The following RABGAP1L variants were observed in gnomAD, a reference collection of about 807,000 sequenced individuals.
The protein encoded by RABGAP1L is RAB GTPase activating protein 1 like.
In RABGAP1L, 63 loss-of-function variants were observed where a neutral mutation model predicts 137.7. That is an observed-to-expected ratio of 0.46 (90% CI 0.37 to 0.56). The LOEUF (loss-of-function observed/expected upper bound fraction) is 0.56, where lower values mean the gene tolerates loss of function less well. Among genes scored for constraint, RABGAP1L ranks in the 20% least tolerant of loss-of-function variants. RABGAP1L has a pLI of 0.00. For synonymous variants in RABGAP1L, 431 were observed against 433.7 expected, an observed-to-expected ratio of 0.99 and a Z score of 0.08; for missense variants, 1,095 against 1,244.0, an observed-to-expected ratio of 0.88 and a Z score of 1.80.
intron 13 of RABGAP1L, among the ~76,000 whole-genome samples, chr1:174,521,876 C>T (rs1432081804): frequency 2.0e-5 from 3 of 151,966 alleles, no homozygotes; most frequent in Admixed American, 6.6e-5. Context: ...GTCAGAAGTT[C>T]GAGACCAGCC....
At chr1:174,902,324 T>TC (rs1368147946) in intron 19 of RABGAP1L, among the ~76,000 whole-genome samples, 3 of 151,838 alleles carry the variant, frequency 2.0e-5, no homozygotes, top group African/African-American at 2.4e-5. Flanking sequence ...TGGCTGCCTC[T>TC]CCCCCCCAGG....
In RABGAP1L at chr1:174,993,093, T is replaced by C. The variant is rs1672163541; in HGVS notation, c.*3092T>C. 1 of 152,232 alleles carries C rather than the reference T, an allele frequency of 6.6e-6. No individual in the cohort carries two copies. Among genetic ancestry groups the C allele is most frequent in the South Asian group, 2.1e-4 (1 of 4,832 alleles). The allele number at this position is 152,232 out of a possible 1,614,324, so 9.4% of individuals were successfully genotyped here. ...GAGAATCTAAACACGTCTTTAAATC[T>C]GAAAGAAACCAAGCTGGATTTTGCA... On this transcript the variant is annotated 3_prime_UTR_variant, in exon 26 of 26. Transcript: ENST00000681986.
At chr1:174,509,475 A>AT (rs956257664) in intron 13 of RABGAP1L, among the ~76,000 whole-genome samples, 5 of 151,676 alleles carry the variant, frequency 3.3e-5, no homozygotes, top group African/African-American at 4.9e-5. Context: ...AGATTGCTGG[A>AT]TTTTTTTTAT....
At chr1:174,636,533 A>G (rs1572630476) in intron 13 of RABGAP1L, among the ~76,000 whole-genome samples, 1 of 152,086 alleles carries the variant, frequency 6.6e-6, no homozygotes, top group Non-Finnish European at 1.5e-5. Flanking sequence ...ACTTCAAAAA[A>G]AAAAAAAAAA....
chr1:174,616,401 G>C (rs953649344), intron 13 of RABGAP1L, among the ~76,000 whole-genome samples: 2 of 152,166 alleles, frequency 1.3e-5, no homozygotes, highest in African/African-American at 4.8e-5. Context: ...TCTCCATCTT[G>C]GGGAATAGAT....
At chr1:174,597,320 T>G (rs1670026256) in intron 13 of RABGAP1L, among the ~76,000 whole-genome samples, 1 of 152,186 alleles carries the variant, frequency 6.6e-6, no homozygotes, top group South Asian at 2.1e-4. Context: ...TTTTGTAAAA[T>G]TCTGCAGTGA....
intron 13 of RABGAP1L, among the ~76,000 whole-genome samples, chr1:174,614,624 T>A (rs906581826): frequency 1.3e-5 from 2 of 152,212 alleles, no homozygotes; most frequent in African/African-American, 4.8e-5. Flanking sequence ...AATGTTGGCC[T>A]GCCTTGCTAG....
intron 12 of RABGAP1L, among the ~76,000 whole-genome samples, chr1:174,390,250 A>G (rs895718734): frequency 6.6e-6 from 1 of 152,182 alleles, no homozygotes; most frequent in Non-Finnish European, 1.5e-5. Flanking sequence ...CTGTCTCTAA[A>G]GATAAATAGT....
At chr1:174,276,991 T>C (rs1290449423) in intron 9 of RABGAP1L, among the ~76,000 whole-genome samples, 3 of 92,410 alleles carry the variant, frequency 3.2e-5, no homozygotes, top group Non-Finnish European at 5.6e-5. Flanking sequence ...CAGTTTGTTT[T>C]ATCATTAATT....
chr1:174,921,474 C>T (rs1661795643), intron 19 of RABGAP1L, among the ~76,000 whole-genome samples: 1 of 152,160 alleles, frequency 6.6e-6, no homozygotes. Context: ...TACAATTCTT[C>T]AAGGTAAAAA....
At chr1:174,736,700 A>G (rs564922132) in intron 17 of RABGAP1L, among the ~76,000 whole-genome samples, 35 of 152,316 alleles carry the variant, frequency 2.3e-4, no homozygotes, top group Middle Eastern at 3.4e-3. Flanking sequence ...TTTTTCATAC[A>G]TGTCCTGAAA....
intron 19 of RABGAP1L, among the ~76,000 whole-genome samples, chr1:174,836,631 A>G (rs765109163): frequency 2.0e-5 from 3 of 152,224 alleles, no homozygotes; most frequent in Non-Finnish European, 4.4e-5. Context: ...CATATCTCTG[A>G]TAGGACTTGC....
In RABGAP1L at chr1:174,605,181, G is replaced by A. The variant is rs1026582892; in HGVS notation, c.1711-32194G>A. 1.1e-4 allele frequency among the ~76,000 whole-genome samples: 17 copies of A among 151,358 alleles called. No homozygotes were observed. In the South Asian group the frequency reaches 1.5e-3, roughly 13 times the overall value. On this transcript the variant is annotated intron_variant, in intron 13 of 25. Coordinates refer to ENST00000681986, the MANE Select transcript of RABGAP1L (RefSeq NM_001366446.1). ...CAAACAAACAAACAAACAAACAAAC[G>A]AAACTCCTCCTGTAAAACTGACCTT...
intron 13 of RABGAP1L, chr1:174,547,863 G>A (rs541353580): frequency 1.6e-4 from 250 of 1,539,548 alleles, no homozygotes; most frequent in Non-Finnish European, 2.0e-4. Flanking sequence ...GTCTTACACC[G>A]AGACAGACTA....
intron 14 of RABGAP1L, among the ~76,000 whole-genome samples, chr1:174,653,346 ACTC>A (rs1675705617): frequency 6.6e-6 from 1 of 151,374 alleles, no homozygotes; most frequent in Non-Finnish European, 1.5e-5. Context: ...ATTAAAAAAA[ACTC>A]CTGCAGCTAG....
chr1:174,786,589 G>A (rs910800367), intron 18 of RABGAP1L, among the ~76,000 whole-genome samples: 1 of 152,134 alleles, frequency 6.6e-6, no homozygotes, highest in African/African-American at 2.4e-5. Flanking sequence ...AAATTTACAT[G>A]TTCTTGAAGG....
chr1:174,190,163 C>T (rs1379322705), intron 1 of RABGAP1L, among the ~76,000 whole-genome samples: 3 of 151,978 alleles, frequency 2.0e-5, no homozygotes, highest in Non-Finnish European at 2.9e-5. Context: ...ATTAGCTGGG[C>T]ATGGTGGCGT....
At chr1:174,269,026 T>A (rs1674322277) in intron 7 of RABGAP1L, among the ~76,000 whole-genome samples, 1 of 152,230 alleles carries the variant, frequency 6.6e-6, no homozygotes, top group East Asian at 1.9e-4. Flanking sequence ...TCACACAAGC[T>A]CTGCCTCCCC....
chr1:174,502,663 T>C (rs1661422164), intron 13 of RABGAP1L, among the ~76,000 whole-genome samples: 2 of 149,204 alleles, frequency 1.3e-5, no homozygotes, highest in South Asian at 4.2e-4. Flanking sequence ...TATATATGTG[T>C]GTGTGTATAT....
Sources: allele counts gnomAD v4.1 joint callset (sites outside exome capture counted in the v4.1 genomes callset), GRCh38; gene constraint gnomAD v4.1.1; transcripts MANE v1.5; gene names NCBI Gene and HGNC (gene_info 2026-07-23, HGNC 2026-07-21).